Variants in ARHGEF3 observed in about 807,000 individuals in gnomAD.
The protein encoded by ARHGEF3 is Rho guanine nucleotide exchange factor 3.
ARHGEF3 carries 28 observed loss-of-function variants against 63.2 expected under a neutral mutation model. The observed-to-expected ratio is 0.44, with a 90% CI of 0.33 to 0.61. The LOEUF (loss-of-function observed/expected upper bound fraction) is 0.61. Ranked by LOEUF, ARHGEF3 falls within the 20% of genes least tolerant of loss-of-function variation. The probability of loss-of-function intolerance (pLI) is 0.03; values close to 1 mark genes in which losing one functional copy is unlikely to be tolerated. For missense variants in ARHGEF3, 533 were observed against 659.3 expected (o/e 0.81, Z 2.10); for synonymous variants, 266 against 254.2 (o/e 1.05, Z -0.44).
At chr3:56,992,375 TAAAAAAAAAAAAAA>T (rs57740672) in intron 2 of ARHGEF3, among the ~76,000 whole-genome samples, 521 of 46,142 alleles carry the variant, frequency 0.011, 3 homozygotes, top group Non-Finnish European at 0.021. Flanking sequence ...AGGATGGCTT[TAAAAAAAAAAAAAA>T]AAAAAAAAAA....
chr3:56,907,224 AC>A (rs2041715324), intron 3 of ARHGEF3, among the ~76,000 whole-genome samples: 1 of 151,696 alleles, frequency 6.6e-6, no homozygotes, highest in Non-Finnish European at 1.5e-5. Flanking sequence ...CAGGTGATCC[AC>A]CCGCCTCAGT....
At chr3:56,747,096 G>A (rs1207072927) in intron 6 of ARHGEF3, among the ~76,000 whole-genome samples, 1 of 137,104 alleles carries the variant, frequency 7.3e-6, no homozygotes, top group African/African-American at 2.7e-5. Flanking sequence ...GAGAGAGAGA[G>A]AACCCAAACG....
chr3:56,834,471 T>A (rs943369591), intron 4 of ARHGEF3, among the ~76,000 whole-genome samples: 14 of 152,136 alleles, frequency 9.2e-5, no homozygotes, highest in Non-Finnish European at 1.8e-4. Flanking sequence ...GTATTCAGAA[T>A]AATAAGGTCG....
At chr3:56,822,582 C>A (rs1236877544) in intron 4 of ARHGEF3, among the ~76,000 whole-genome samples, 1 of 152,002 alleles carries the variant, frequency 6.6e-6, no homozygotes. Flanking sequence ...CGGTTGTGGC[C>A]GGGTGCAGTG....
chr3:57,023,500 G>C (rs1364674908), intron 2 of ARHGEF3, among the ~76,000 whole-genome samples: 1 of 152,136 alleles, frequency 6.6e-6, no homozygotes, highest in Non-Finnish European at 1.5e-5. Flanking sequence ...GATTTAATCA[G>C]ATTTAAGAAG....
At chr3:56,753,447 A>C (rs1194951716) in intron 4 of ARHGEF3, 57 bp downstream of exon 4, 2 of 1,513,874 alleles carry the variant, frequency 1.3e-6, no homozygotes, top group African/African-American at 2.8e-5. Context: ...AGGGTTGTGA[A>C]ATTACTCAAG....
chr3:56,998,529 T>G (rs373236251), intron 2 of ARHGEF3, among the ~76,000 whole-genome samples: 5 of 152,074 alleles, frequency 3.3e-5, no homozygotes, highest in African/African-American at 1.2e-4. Context: ...ACATGAATGG[T>G]GCTATGAGCT....
chr3:56,926,063 C>T (rs891889245), intron 3 of ARHGEF3, among the ~76,000 whole-genome samples: 6 of 152,226 alleles, frequency 3.9e-5, no homozygotes, highest in Non-Finnish European at 5.9e-5. Flanking sequence ...ACACAATGCT[C>T]ACTGCTCAAC....
In ARHGEF3 at chr3:57,029,626, C is replaced by G. The variant is rs564310604; in HGVS notation, c.62+5462G>C. Among the ~76,000 whole-genome samples the G allele has an allele frequency of 4.6e-5, 7 of 152,250 alleles. No individual in the cohort carries two copies. The East Asian group carries it at 1.4e-3, about 29-fold the overall frequency. On this transcript the variant is annotated intron_variant, in intron 2 of 12. Coordinates refer to the ARHGEF3 transcript ENST00000338458. ...CTGATGAGGTCTGCAAAAAGGTCCCCATTTAACTGAGGTTAAGCCAGCACT... is the reference window on the plus strand; with the variant it reads ...CTGATGAGGTCTGCAAAAAGGTCCCGATTTAACTGAGGTTAAGCCAGCACT...
intron 2 of ARHGEF3, chr3:56,960,592 C>T (rs927155042): frequency 8.5e-5 from 13 of 152,350 alleles, no homozygotes; most frequent in African/African-American, 3.1e-4. Flanking sequence ...CCAAGAACAG[C>T]ATTCAACCCA....
At chr3:56,743,346 C>A (rs933744250) in intron 7 of ARHGEF3, among the ~76,000 whole-genome samples, 1 of 152,188 alleles carries the variant, frequency 6.6e-6, no homozygotes, top group Non-Finnish European at 1.5e-5. Context: ...ATTACAAAGG[C>A]AACAGAAACT....
intron 4 of ARHGEF3, among the ~76,000 whole-genome samples, chr3:56,859,661 T>G (rs2040000773): frequency 6.7e-6 from 1 of 150,244 alleles, no homozygotes; most frequent in Non-Finnish European, 1.5e-5. Flanking sequence ...GCCTCCCGAG[T>G]AGCTGGGACT....
chr3:57,010,396 C>T (rs1702645293), intron 2 of ARHGEF3, among the ~76,000 whole-genome samples: 1 of 146,190 alleles, frequency 6.8e-6, no homozygotes, highest in Non-Finnish European at 1.5e-5. Flanking sequence ...GCAGAGCTTG[C>T]AGTGAGCCGA....
At chr3:56,763,596 T>C (rs1195120097) in intron 2 of ARHGEF3, among the ~76,000 whole-genome samples, 1 of 152,166 alleles carries the variant, frequency 6.6e-6, no homozygotes, top group Admixed American at 6.5e-5. Flanking sequence ...GGAGAGAGCC[T>C]CACATGCAGA....
At chr3:56,874,570 CT>C (rs1390574941) in intron 4 of ARHGEF3, among the ~76,000 whole-genome samples, 1 of 152,192 alleles carries the variant, frequency 6.6e-6, no homozygotes, top group African/African-American at 2.4e-5. Context: ...GACAGGAAAG[CT>C]TTTTTCCCCC....
chr3:57,013,910 GGAGCCAGCA>G (rs1702821053), intron 2 of ARHGEF3, among the ~76,000 whole-genome samples: 1 of 152,196 alleles, frequency 6.6e-6, no homozygotes, highest in East Asian at 1.9e-4. Context: ...GCAGGCTGCC[GGAGCCAGCA>G]GCGGCAACTC....
At chr3:56,893,872 CT>C (rs2041209429) in intron 3 of ARHGEF3, among the ~76,000 whole-genome samples, 1 of 143,726 alleles carries the variant, frequency 7.0e-6, no homozygotes, top group African/African-American at 2.6e-5. Flanking sequence ...TTGCTGGGTG[CT>C]TTACATGTAT....
chr3:56,753,665 T>C (rs1230629569), intron 3 of ARHGEF3, 99 bp from the exon 4 acceptor site: 1 of 985,724 alleles, frequency 1.0e-6, no homozygotes, highest in Non-Finnish European at 1.6e-6. Context: ...CAAATTTACA[T>C]ATTTAAGTAT....
chr3:56,757,369 G>A (rs1345800383), intron 2 of ARHGEF3, among the ~76,000 whole-genome samples: 1 of 152,106 alleles, frequency 6.6e-6, no homozygotes, highest in Non-Finnish European at 1.5e-5. Flanking sequence ...AGCTACTCAG[G>A]AGGCTGAGGC....
Sources: gnomAD v4.1 joint callset for allele counts (sites outside exome capture counted in the v4.1 genomes callset) on GRCh38, gnomAD v4.1.1 for gene constraint, MANE v1.5 for transcripts, NCBI Gene and HGNC (gene_info 2026-07-23, HGNC 2026-07-21) for gene names.